ZAR1: variants seen among roughly 807,000 people sequenced by gnomAD.
ZAR1 encodes zygote arrest 1, also known as zygote arrest protein 1.
In ZAR1, 37 loss-of-function variants were observed where a neutral mutation model predicts 38.3. That is an observed-to-expected ratio of 0.97 (90% confidence interval 0.74 to 1.27). ZAR1 has a LOEUF of 1.27. Among genes scored for constraint, ZAR1 ranks in the 50% most tolerant of loss-of-function variants. The pLI is 0.00. For synonymous variants in ZAR1, 336 were observed against 292.0 expected (o/e 1.15, Z -1.53); for missense variants, 651 against 632.4 (o/e 1.03, Z -0.32).
chr4:48,496,412 A>G (rs1718613630), downstream of ZAR1, among the ~76,000 whole-genome samples: 1 of 106,478 alleles, frequency 9.4e-6, no homozygotes, highest in Non-Finnish European at 1.9e-5. Flanking sequence ...TGAATTACAT[A>G]AATGTACCTA....
chr4:48,493,053 G>A (rs754255694), intron 3 of ZAR1, 41 bp downstream of exon 3: 16 of 1,593,682 alleles, frequency 1.0e-5, no homozygotes, highest in African/African-American at 1.3e-5. Flanking sequence ...CTGGGCAGTC[G>A]TCGAGGGTTT....
At chr4:48,494,434 AGCGCTTGTCT>A (rs1718531362), downstream of ZAR1, 3 of 724,120 alleles carry the variant, frequency 4.1e-6, no homozygotes, top group Admixed American at 6.0e-5. Context: ...AAGTTTCAAG[AGCGCTTGTCT>A]TGTGCTAACA....
downstream of ZAR1, among the ~76,000 whole-genome samples, chr4:48,495,465 A>G (rs764383762): frequency 6.6e-5 from 10 of 152,196 alleles, no homozygotes; most frequent in Non-Finnish European, 8.8e-5. Context: ...ACCTGCATCA[A>G]TGTGGACAGA....
In ZAR1 at chr4:48,491,266, G is replaced by A; in HGVS notation, c.963+12G>A. On this transcript the variant is annotated intron_variant, in intron 1 of 3. Coordinates refer to ENST00000327939, the MANE Select transcript of ZAR1 (RefSeq NM_175619.3). ...GGCTGCGCTTCCAGGTAAAGCCTAGGGCGGTCAGGGCACAGGGGAGCCCGG... is the reference window on the plus strand; with the variant it reads ...GGCTGCGCTTCCAGGTAAAGCCTAGAGCGGTCAGGGCACAGGGGAGCCCGG... 4.1e-6 allele frequency: 5 copies of A among 1,234,140 alleles called. No homozygotes were observed. The highest frequency in any genetic ancestry group is 5.1e-6 in the Non-Finnish European group (5 of 989,770). 76.4% of individuals were successfully genotyped at this position (1,234,140 alleles called of 1,614,324 possible).
At chr4:48,494,774 C>T (rs766083604), downstream of ZAR1, among the ~76,000 whole-genome samples, 2 of 151,856 alleles carry the variant, frequency 1.3e-5, no homozygotes, top group South Asian at 2.1e-4. Context: ...TGCATGAGAC[C>T]GTTGGAGGTT....
chr4:48,491,019 G>T lies in ZAR1; in HGVS notation c.728G>T (p.Gly243Val). The part of the protein sequence containing the change: ...APRRPQSDDD[G>V]EAQAAVRASW... The stretch of plus-strand genomic sequence containing the variant: ...CGGCGGCCGCAGTCCGACGACGACG[G>T]CGAGGCCCAGGCCGCAGTCCGAGCG... Residue 243 changes from glycine to valine, a missense_variant, in exon 1 of 4, where the codon GGC becomes GTC. By Grantham distance (109) the Gly-to-Val change is moderately radical. Around this residue, in one of 2 missense-constraint regions of ZAR1, gnomAD observed 522 missense variants for 459.9 expected, o/e 1.14. Transcript: ENST00000327939. 3 of 1,365,032 alleles carry T rather than the reference G, an allele frequency of 2.2e-6. No individual in the cohort carries two copies. The highest frequency in any genetic ancestry group is 2.8e-6 in the Non-Finnish European group (3 of 1,063,888). 84.6% of individuals were successfully genotyped at this position (1,365,032 alleles called of 1,614,324 possible). A position where few individuals can be genotyped will look rare whatever the true frequency, so the allele number is the denominator to read the frequency against.
At chr4:48,493,537 A>G (rs1296023262) in intron 3 of ZAR1, among the ~76,000 whole-genome samples, 1 of 152,256 alleles carries the variant, frequency 6.6e-6, no homozygotes, top group Non-Finnish European at 1.5e-5. Flanking sequence ...CTTGCTTGCT[A>G]TTAACTGTGC....
At chr4:48,491,359 C>A in intron 1 of ZAR1, 105 bp downstream of exon 1, 1 of 926,632 alleles carries the variant, frequency 1.1e-6, no homozygotes, top group Non-Finnish European at 1.4e-6. Flanking sequence ...CGGCGCTTCC[C>A]TAAGCGTGGG....
rs1718416342 is a variant in ZAR1, at chr4:48,490,904, A to G, written c.613A>G (p.Arg205Gly). 4 of 1,369,432 alleles carry G rather than the reference A, an allele frequency of 2.9e-6. No homozygotes were observed. Among genetic ancestry groups the G allele is most frequent in the Middle Eastern group, 2.5e-4 (1 of 3,974 alleles). The allele number at this position is 1,369,432 out of a possible 1,614,324, so 84.8% of individuals were successfully genotyped here. The change falls in exon 1 of 4, where the codon AGG (arginine) becomes GGG (glycine). Residue 205 changes from arginine (R) to glycine (G), a missense_variant. By Grantham distance (125) the Arg-to-Gly change is moderately radical. Transcript: ENST00000327939. ...EGPGPAAGEQ[R>G]SGASDGERGP... is the part of the protein sequence containing the mutation. The stretch of plus-strand genomic sequence containing the variant: ...GCCCGGGCCCGCGGCGGGCGAGCAG[A>G]GGTCCGGGGCGTCGGACGGAGAGAG...
At chr4:48,495,803 T>C (rs1718577832), downstream of ZAR1, among the ~76,000 whole-genome samples, 1 of 151,894 alleles carries the variant, frequency 6.6e-6, no homozygotes, top group African/African-American at 2.4e-5. Context: ...GAGGGGAAAA[T>C]TTCCAGATTA....
At position 48,490,262 on chromosome 4, in the gene ZAR1, G is replaced by T; in HGVS notation, c.-30G>T. On this transcript the variant is annotated 5_prime_UTR_variant, in exon 1 of 4. Coordinates refer to ENST00000327939, the MANE Select transcript of ZAR1 (RefSeq NM_175619.3). ...CCGCCCGGGCAAGTCGCCTATTTAGGGTGCGGCGGCGGGCGGGAGCAGTGC... is the reference window on the plus strand; with the variant it reads ...CCGCCCGGGCAAGTCGCCTATTTAGTGTGCGGCGGCGGGCGGGAGCAGTGC... 6.8e-7 allele frequency: 1 copy of T among 1,479,966 alleles called. No individual in the cohort carries two copies. Among genetic ancestry groups the T allele is most frequent in the African/African-American group, 1.5e-5 (1 of 68,290 alleles). The allele number at this position is 1,479,966 out of a possible 1,614,324, so 91.7% of individuals were successfully genotyped here. A position where few individuals can be genotyped will look rare whatever the true frequency, so the allele number is the denominator to read the frequency against.
downstream of ZAR1, among the ~76,000 whole-genome samples, chr4:48,494,682 T>TC (rs1718538870): frequency 7.5e-6 from 1 of 133,012 alleles, no homozygotes; most frequent in South Asian, 2.6e-4. Flanking sequence ...AGAGTGAGAC[T>TC]CCATCTCAAA....
In ZAR1 at chr4:48,494,310, T is replaced by C; in HGVS notation, c.*66T>C. On this transcript the variant is annotated 3_prime_UTR_variant, in exon 4 of 4. Transcript: ENST00000327939. The stretch of plus-strand genomic sequence containing the variant: ...CGAGTGAGCTTTTCCGTGCCTCTCC[T>C]CCACCTCTCCCTTCTCAAAATACTT... 6.3e-7 allele frequency: 1 copy of C among 1,580,166 alleles called. No individual in the cohort carries two copies. Among genetic ancestry groups the C allele is most frequent in the Non-Finnish European group, 8.6e-7 (1 of 1,156,522 alleles).
chr4:48,490,771 G>C lies in ZAR1; in HGVS notation c.480G>C (p.Leu160=). 2 of 1,476,482 alleles carry C rather than the reference G, an allele frequency of 1.4e-6. No homozygotes were observed. The highest frequency in any genetic ancestry group is 1.8e-6 in the Non-Finnish European group (2 of 1,119,062). 91.5% of individuals were successfully genotyped at this position (1,476,482 alleles called of 1,614,324 possible). ...SFSQQPSRRG[L]EQGSPQNGAP... ...CCCAGCAGCCATCCCGTCGAGGCCT[G>C]GAGCAGGGCAGCCCCCAGAACGGCG... Residue 160 remains leucine, a synonymous_variant, in exon 1 of 4, where the codon CTG becomes CTC. Transcript: ENST00000327939.
rs367871983 is a variant in ZAR1 at position 48,491,297 on chromosome 4, C to T, written c.963+43C>T. 71 of 1,216,650 alleles carry T rather than the reference C, an allele frequency of 5.8e-5. 3 individuals are homozygous for T. In the South Asian group the frequency reaches 1.0e-3, roughly 18 times the overall value. The allele number at this position is 1,216,650 out of a possible 1,614,324, so 75.4% of individuals were successfully genotyped here. A position where few individuals can be genotyped will look rare whatever the true frequency, so the allele number is the denominator to read the frequency against. On this transcript the variant is annotated intron_variant, in intron 1 of 3. Coordinates refer to ENST00000327939, the MANE Select transcript of ZAR1 (RefSeq NM_175619.3). ...CAGGGCACAGGGGAGCCCGGGGGTG[C>T]GGGTGTCTTCCTTGGGCCTGGCCCT... is the stretch of plus-strand genomic sequence containing the variant.
In ZAR1 at chr4:48,492,847, G is replaced by A; in HGVS notation, c.1045G>A (p.Gly349Arg). 6.2e-7 allele frequency: 1 copy of A among 1,614,150 alleles called. No individual in the cohort carries two copies. Among genetic ancestry groups the A allele is most frequent in the Non-Finnish European group, 8.5e-7 (1 of 1,180,026 alleles). Residue 349 changes from glycine to arginine, a missense_variant, in exon 2 of 4, where the codon GGA (glycine) becomes AGA (arginine). Gly to Arg is a moderately radical substitution (Grantham distance 125). Coordinates refer to ENST00000327939, the MANE Select transcript of ZAR1 (RefSeq NM_175619.3). ...WESAYVWCVQ[G>R]TNKVYFKQFC... Reference sequence around the variant, plus strand: ...GAGTGCTTATGTGTGGTGTGTACAGGGAACTAACAAGGTAAGAAATACCAG... The same window carrying A: ...GAGTGCTTATGTGTGGTGTGTACAGAGAACTAACAAGGTAAGAAATACCAG...
intron 1 of ZAR1, 136 bp from the exon 2 acceptor site, chr4:48,492,630 C>A (rs1381208632): frequency 5.2e-6 from 4 of 770,634 alleles, no homozygotes; most frequent in African/African-American, 5.2e-5. Flanking sequence ...ATTGAAGAGG[C>A]GTACCCAAAC....
At chr4:48,494,633 C>T (rs531905252), downstream of ZAR1, among the ~76,000 whole-genome samples, 2 of 151,920 alleles carry the variant, frequency 1.3e-5, no homozygotes, top group African/African-American at 2.4e-5. Context: ...AATAAAAAGC[C>T]GCCTAGCGAT....
downstream of ZAR1, among the ~76,000 whole-genome samples, chr4:48,494,987 C>G (rs2148675266): frequency 6.6e-6 from 1 of 152,244 alleles, no homozygotes. Context: ...ACTGAATAAC[C>G]TATCAAGTAG....
Sources: gnomAD v4.1 joint callset for allele counts (sites outside exome capture counted in the v4.1 genomes callset) on GRCh38, gnomAD v4.1.1 for gene constraint, gnomAD v4.1.1 regional missense constraint, MANE v1.5 for transcripts, NCBI Gene and HGNC (gene_info 2026-07-23, HGNC 2026-07-21) for gene names.